Variants in CSMD1 observed in about 807,000 individuals in gnomAD.
CSMD1 encodes CUB and Sushi multiple domains 1, also known as CUB and sushi domain-containing protein 1.
CSMD1 carries 213 observed loss-of-function variants against 417.5 expected under a neutral mutation model. The ratio of observed to expected loss-of-function variants is 0.51; its 90% CI spans 0.46 to 0.57. The LOEUF is 0.57. CSMD1 is among the 20% of genes least tolerant of loss of function. CSMD1 has a pLI of 0.00. For synonymous variants in CSMD1, 2,862 were observed against 1,736.8 expected, an observed-to-expected ratio of 1.65 and a Z score of -16.11; for missense variants, 6,923 against 4,529.7, an observed-to-expected ratio of 1.53 and a Z score of -15.17.
chr8:4,059,786 T>C (rs1313843549), intron 3 of CSMD1, among the ~76,000 whole-genome samples: 2 of 151,806 alleles, frequency 1.3e-5, no homozygotes, highest in African/African-American at 2.4e-5. Context: ...GGAGCTGCAA[T>C]TGTGGCAATA....
chr8:3,091,753 A>G, intron 47 of CSMD1, 91 bp from the exon 48 acceptor site: 1 of 1,104,322 alleles, frequency 9.1e-7, no homozygotes, highest in South Asian at 1.5e-5. Flanking sequence ...ACTGGAGTCT[A>G]CGTGTGCAAT....
intron 1 of CSMD1, among the ~76,000 whole-genome samples, chr8:4,730,644 G>C (rs1441188830): frequency 6.6e-6 from 1 of 152,040 alleles, no homozygotes. Context: ...GGGAGGCTGA[G>C]ACAGGAGAAT....
chr8:2,964,400 G>C (rs537974504), intron 59 of CSMD1, among the ~76,000 whole-genome samples: 103 of 152,324 alleles, frequency 6.8e-4, no homozygotes, highest in African/African-American at 2.4e-3. Flanking sequence ...TGGCCCAAGG[G>C]AATGTCCAGG....
chr8:3,103,237 C>T (rs1347294716), intron 46 of CSMD1, among the ~76,000 whole-genome samples: 1 of 152,168 alleles, frequency 6.6e-6, no homozygotes, highest in Non-Finnish European at 1.5e-5. Context: ...ATTTCCAGGC[C>T]TTCTCCCTGT....
chr8:4,879,447 G>C (rs977055392), intron 1 of CSMD1, among the ~76,000 whole-genome samples: 2 of 152,162 alleles, frequency 1.3e-5, no homozygotes, highest in African/African-American at 2.4e-5. Flanking sequence ...TTAGGGGATC[G>C]GGAAGATATT....
intron 7 of CSMD1, among the ~76,000 whole-genome samples, chr8:3,676,622 T>C (rs942064905): frequency 6.6e-6 from 1 of 152,178 alleles, no homozygotes; most frequent in Non-Finnish European, 1.5e-5. Context: ...TGCCGTGAGC[T>C]TGTGTGTTGT....
intron 6 of CSMD1, among the ~76,000 whole-genome samples, chr8:3,749,635 C>G (rs1797228723): frequency 6.6e-6 from 1 of 152,208 alleles, no homozygotes; most frequent in Non-Finnish European, 1.5e-5. Context: ...TTACACAATT[C>G]TGTCCAAGCA....
intron 2 of CSMD1, among the ~76,000 whole-genome samples, chr8:4,466,491 C>G (rs1165353484): frequency 2.0e-5 from 3 of 151,968 alleles, no homozygotes; most frequent in Non-Finnish European, 2.9e-5. Flanking sequence ...ATATATTGAA[C>G]AAATGTTGAA....
intron 8 of CSMD1, among the ~76,000 whole-genome samples, chr8:3,598,742 T>C (rs1224466523): frequency 2.6e-5 from 4 of 152,118 alleles, no homozygotes; most frequent in South Asian, 2.1e-4. Flanking sequence ...TGATTTGTAA[T>C]TTCCCCCCGC....
chr8:4,415,499 G>T (rs116602053), intron 3 of CSMD1, among the ~76,000 whole-genome samples: 4,803 of 152,186 alleles, frequency 0.032, 139 homozygotes, highest in African/African-American at 0.078. Context: ...GGCCCACGTA[G>T]ACCTGCTCTT....
chr8:4,795,769 C>G (rs191096859), intron 1 of CSMD1, among the ~76,000 whole-genome samples: 28 of 152,196 alleles, frequency 1.8e-4, no homozygotes, highest in East Asian at 1.6e-3. Flanking sequence ...TACCTGTGCA[C>G]GCCTTCAGGT....
intron 7 of CSMD1, among the ~76,000 whole-genome samples, chr8:3,666,146 C>G (rs1011069411): frequency 6.6e-6 from 1 of 152,152 alleles, no homozygotes; most frequent in African/African-American, 2.4e-5. Flanking sequence ...TCTACATGCC[C>G]TGGCCTCCCC....
chr8:3,248,588 G>A (rs1045772317), intron 26 of CSMD1, among the ~76,000 whole-genome samples: 1 of 132,486 alleles, frequency 7.5e-6, no homozygotes, highest in Non-Finnish European at 1.5e-5. Context: ...GGAGTACAGT[G>A]GCGCGATCTC....
In CSMD1 at chr8:4,519,742, C is replaced by CAAAAAAAAAAAAAAAA. The variant is rs57747377; in HGVS notation, c.303-99693_303-99678dup. On this transcript the variant is annotated intron_variant, in intron 2 of 69. Coordinates refer to ENST00000635120, the MANE Select transcript of CSMD1 (RefSeq NM_033225.6). ...TAGGCAGCAGAGTCAGACTTCATCT[C>CAAAAAAAAAAAAAAAA]AAAAAAAAAAAAAAAAAAAAAAAAA... Among the ~76,000 whole-genome samples the CAAAAAAAAAAAAAAAA allele has an allele frequency of 1.1e-3, 86 of 80,366 alleles. 31 individuals carry two copies. The highest frequency in any genetic ancestry group is 8.9e-3 in the Middle Eastern group (1 of 112). The allele number at this position is 80,366 out of a possible 152,430, so 52.7% of individuals were successfully genotyped here.
chr8:3,290,488 C>G (rs1584938774), intron 25 of CSMD1, among the ~76,000 whole-genome samples: 1 of 142,074 alleles, frequency 7.0e-6, no homozygotes, highest in African/African-American at 2.9e-5. Flanking sequence ...TTGTTTGTAT[C>G]CTTTTATTTC....
At chr8:4,911,912 T>C (rs531048006) in intron 1 of CSMD1, among the ~76,000 whole-genome samples, 2 of 152,106 alleles carry the variant, frequency 1.3e-5, no homozygotes, top group South Asian at 4.2e-4. Flanking sequence ...TAGACAGGTA[T>C]TTTGTGGCAA....
intron 3 of CSMD1, among the ~76,000 whole-genome samples, chr8:4,274,097 G>T (rs976811089): frequency 6.6e-6 from 1 of 152,056 alleles, no homozygotes; most frequent in South Asian, 2.1e-4. Flanking sequence ...TTACTATATG[G>T]AACATATTAA....
intron 65 of CSMD1, among the ~76,000 whole-genome samples, chr8:2,952,478 C>T (rs1023253744): frequency 5.3e-5 from 8 of 152,032 alleles, no homozygotes; most frequent in Non-Finnish European, 7.4e-5. Context: ...CTTTTGTAGA[C>T]CCCACTTTCT....
intron 5 of CSMD1, among the ~76,000 whole-genome samples, chr8:3,989,627 C>A (rs1002456634): frequency 8.6e-5 from 13 of 151,506 alleles, no homozygotes; most frequent in East Asian, 3.9e-4. Flanking sequence ...ATTTATAATT[C>A]AAAAAAAATT....
Sources: gnomAD v4.1 joint callset for allele counts (sites outside exome capture counted in the v4.1 genomes callset) on GRCh38, gnomAD v4.1.1 for gene constraint, MANE v1.5 for transcripts, NCBI Gene and HGNC (gene_info 2026-07-23, HGNC 2026-07-21) for gene names.